The following ADAMTS16 variants were observed in gnomAD, a reference collection of about 807,000 sequenced individuals.
ADAMTS16 encodes the protein A disintegrin and metalloproteinase with thrombospondin motifs 16.
In ADAMTS16, 94 loss-of-function variants were observed where a neutral mutation model predicts 145.8. The ratio of observed to expected loss-of-function variants is 0.64; its 90% CI spans 0.55 to 0.77. The LOEUF is 0.77. ADAMTS16 is among the 30% of genes least tolerant of loss of function. The pLI is 0.00. For synonymous variants in ADAMTS16, 659 were observed against 604.3 expected (o/e 1.09, Z -1.33); for missense variants, 1,585 against 1,591.5 (o/e 1.00, Z 0.07).
intron 10 of ADAMTS16, among the ~76,000 whole-genome samples, chr5:5,222,296 G>T (rs932229075): frequency 6.7e-6 from 1 of 148,378 alleles, no homozygotes; most frequent in Non-Finnish European, 1.5e-5. Flanking sequence ...ACAGATTTGG[G>T]GATGGTGGAT....
chr5:5,281,900 A>G (rs190687998), intron 18 of ADAMTS16, among the ~76,000 whole-genome samples: 1 of 152,338 alleles, frequency 6.6e-6, no homozygotes, highest in East Asian at 1.9e-4. Flanking sequence ...GTGTGTGATA[A>G]AAGTGAATAA....
Position 5,182,135 on chromosome 5 carries a change from G to C in ADAMTS16, c.593G>C (p.Ser198Thr), listed in dbSNP as rs1231839702. 3.1e-6 allele frequency: 5 copies of C among 1,614,068 alleles called. No homozygotes were observed. The South Asian group carries it at 5.5e-5, about 18-fold the overall frequency. ...AAACTCGGCAGAGCTGCCCAAGGCA[G>C]CTCGCCATCCCACGTACTGTACAAG... ...SWKLGRAAQG[S>T]SPSHVLYKRS... The change falls in exon 4 of 23, where the codon AGC (serine) becomes ACC (threonine). Residue 198 changes from serine (S) to threonine (T), a missense_variant. Transcript: ENST00000274181.
chr5:5,145,105 T>C (rs557303970), intron 2 of ADAMTS16, among the ~76,000 whole-genome samples: 11 of 152,318 alleles, frequency 7.2e-5, no homozygotes, highest in African/African-American at 2.4e-4. Flanking sequence ...CTACCACTTA[T>C]ATATATGAGT....
chr5:5,293,159 C>A (rs1378723216), intron 18 of ADAMTS16, among the ~76,000 whole-genome samples: 2 of 152,188 alleles, frequency 1.3e-5, no homozygotes, highest in Non-Finnish European at 2.9e-5. Flanking sequence ...TTTTCTAGCT[C>A]TTTTTTAGTT....
At chr5:5,292,057 T>G (rs143856276) in intron 18 of ADAMTS16, among the ~76,000 whole-genome samples, 3 of 152,124 alleles carry the variant, frequency 2.0e-5, no homozygotes, top group Non-Finnish European at 4.4e-5. Flanking sequence ...AGAATGGCCC[T>G]CTCTAATGGA....
intron 3 of ADAMTS16, among the ~76,000 whole-genome samples, chr5:5,165,375 T>C (rs1277633782): frequency 6.6e-6 from 1 of 152,050 alleles, no homozygotes; most frequent in Non-Finnish European, 1.5e-5. Context: ...CTTCAATGTG[T>C]TATCTACACA....
chr5:5,262,882 A>G (rs954258897), intron 18 of ADAMTS16, 99 bp downstream of exon 18: 32 of 1,524,796 alleles, frequency 2.1e-5, no homozygotes, highest in Middle Eastern at 1.9e-4. Flanking sequence ...GCTGATTGCC[A>G]TCATGTCACT....
intron 3 of ADAMTS16, among the ~76,000 whole-genome samples, chr5:5,161,018 C>G (rs1385364634): frequency 2.0e-5 from 3 of 152,166 alleles, no homozygotes; most frequent in Non-Finnish European, 4.4e-5. Context: ...AAGCCCATAC[C>G]TTAGTAATCA....
intron 18 of ADAMTS16, among the ~76,000 whole-genome samples, chr5:5,272,670 G>A (rs1308498036): frequency 6.6e-6 from 1 of 152,126 alleles, no homozygotes; most frequent in African/African-American, 2.4e-5. Flanking sequence ...CGGCCCCAAA[G>A]GATTTTTAAC....
chr5:5,156,416 C>T (rs1395304165), intron 3 of ADAMTS16, among the ~76,000 whole-genome samples: 1 of 152,162 alleles, frequency 6.6e-6, no homozygotes, highest in Non-Finnish European at 1.5e-5. Context: ...TTACAAAAAT[C>T]ATCTGCACAA....
chr5:5,314,228 T>A (rs146784050), intron 21 of ADAMTS16, among the ~76,000 whole-genome samples: 17 of 152,222 alleles, frequency 1.1e-4, no homozygotes, highest in African/African-American at 3.9e-4. Flanking sequence ...GGAAGGTGAA[T>A]AAAGAGAGGG....
chr5:5,207,032 A>G (rs887437845), intron 9 of ADAMTS16, among the ~76,000 whole-genome samples: 1 of 152,080 alleles, frequency 6.6e-6, no homozygotes, highest in Non-Finnish European at 1.5e-5. Flanking sequence ...GGTTATTTTA[A>G]GTGTTTTGCC....
chr5:5,254,729 C>T (rs1202714932), intron 17 of ADAMTS16, among the ~76,000 whole-genome samples: 2 of 152,118 alleles, frequency 1.3e-5, no homozygotes, highest in Non-Finnish European at 2.9e-5. Context: ...TCCTTACATT[C>T]CTGCTATGAA....
chr5:5,216,609 A>ATTT (rs56086801), intron 10 of ADAMTS16, among the ~76,000 whole-genome samples: 1 of 141,464 alleles, frequency 7.1e-6, no homozygotes, highest in Non-Finnish European at 1.6e-5. Context: ...TTTTTTTTCT[A>ATTT]TTTTTTTTTA....
At chr5:5,215,579 T>C (rs975484405) in intron 10 of ADAMTS16, among the ~76,000 whole-genome samples, 1 of 151,850 alleles carries the variant, frequency 6.6e-6, no homozygotes, top group Admixed American at 6.6e-5. Flanking sequence ...AGTGAGAACA[T>C]ACAATATTTG....
intron 3 of ADAMTS16, among the ~76,000 whole-genome samples, chr5:5,147,013 T>C (rs1023678874): frequency 6.6e-6 from 1 of 152,246 alleles, no homozygotes; most frequent in African/African-American, 2.4e-5. Flanking sequence ...ATGTCCTGCA[T>C]ATCGGGTTTG....
intron 13 of ADAMTS16, 66 bp downstream of exon 13, chr5:5,235,252 C>A: frequency 7.1e-7 from 1 of 1,402,368 alleles, no homozygotes; most frequent in Admixed American, 2.3e-5. Context: ...TAAAGAAGTA[C>A]ATGATTGAGA....
In ADAMTS16 at chr5:5,269,656, A is replaced by G. The variant is rs1738390831; in HGVS notation, c.2789+6873A>G. Among the ~76,000 whole-genome samples the G allele has an allele frequency of 6.6e-6, 1 of 152,076 alleles. No homozygotes were observed. Among genetic ancestry groups the G allele is most frequent in the African/African-American group, 2.4e-5 (1 of 41,398 alleles). Reference sequence around the variant, plus strand: ...CCGAGCCTCTAGAGGAGCCTTTGGAAGTTACTATTTTTTCCATATAAGTGA... The same window carrying G: ...CCGAGCCTCTAGAGGAGCCTTTGGAGGTTACTATTTTTTCCATATAAGTGA... On this transcript the variant is annotated intron_variant, in intron 18 of 22. Transcript: ENST00000274181. The surrounding 1 kb of genome is among the most constrained non-coding windows in gnomAD (Gnocchi z 4.3).
intron 3 of ADAMTS16, among the ~76,000 whole-genome samples, chr5:5,166,243 TCACA>T (rs141620778): frequency 2.0e-5 from 3 of 149,554 alleles, no homozygotes; most frequent in Non-Finnish European, 3.0e-5. Flanking sequence ...CCACTCACCA[TCACA>T]CACACACACA....
Sources: allele counts gnomAD v4.1 joint callset (sites outside exome capture counted in the v4.1 genomes callset), GRCh38; gene constraint gnomAD v4.1.1; non-coding constraint Gnocchi (gnomAD v3.1); transcripts MANE v1.5; gene names NCBI Gene and HGNC (gene_info 2026-07-23, HGNC 2026-07-21).